The following SH3RF2 variants were observed in gnomAD, a reference collection of about 807,000 sequenced individuals.
The protein encoded by SH3RF2 is SH3 domain containing ring finger 2.
A neutral mutation model predicts 59.0 loss-of-function variants in SH3RF2; 43 were observed. The ratio of observed to expected loss-of-function variants is 0.73; its 90% CI spans 0.57 to 0.94. The LOEUF (loss-of-function observed/expected upper bound fraction) is 0.94, where lower values mean the gene tolerates loss of function less well. Ranked by LOEUF, SH3RF2 falls within the 40% of genes least tolerant of loss-of-function variation. SH3RF2 has a pLI of 0.00. For synonymous variants in SH3RF2, 391 were observed against 391.5 expected (o/e 1.00, Z 0.01); for missense variants, 930 against 940.1 (o/e 0.99, Z 0.14).
intron 3 of SH3RF2, among the ~76,000 whole-genome samples, chr5:146,001,267 T>A (rs533894055): frequency 6.6e-6 from 1 of 152,342 alleles, no homozygotes; most frequent in South Asian, 2.1e-4. Context: ...TGGAGTTATT[T>A]TCATTCTTGA....
intron 2 of SH3RF2, among the ~76,000 whole-genome samples, chr5:145,939,684 A>C (rs896419593): frequency 6.6e-6 from 1 of 152,268 alleles, no homozygotes; most frequent in East Asian, 1.9e-4. Flanking sequence ...ATCAATCAGA[A>C]TCCACAGGTC....
At chr5:146,076,905 C>A (rs540292257) in intron 9 of SH3RF2, among the ~76,000 whole-genome samples, 39 of 152,220 alleles carry the variant, frequency 2.6e-4, no homozygotes, top group African/African-American at 7.9e-4. Context: ...ACACCACCCC[C>A]ACAAAGAATG....
intron 2 of SH3RF2, among the ~76,000 whole-genome samples, chr5:145,983,875 CTTT>C (rs1759602075): frequency 6.6e-6 from 1 of 152,070 alleles, no homozygotes; most frequent in African/African-American, 2.4e-5. Flanking sequence ...ATAATGGAGC[CTTT>C]TTAAAGGATG....
downstream of SH3RF2, among the ~76,000 whole-genome samples, chr5:146,064,586 GGAGAGA>G (rs70998047): frequency 0.081 from 3,344 of 41,352 alleles, 543 homozygotes; most frequent in African/African-American, 0.35. Flanking sequence ...GAAGGAAGGG[GGAGAGA>G]GAGAGAGAGA....
At chr5:145,971,041 CT>C (rs1759059798) in intron 2 of SH3RF2, among the ~76,000 whole-genome samples, 1 of 152,178 alleles carries the variant, frequency 6.6e-6, no homozygotes, top group South Asian at 2.1e-4. Flanking sequence ...TAAGAAGTCT[CT>C]AGTCTTGAGG....
intron 1 of SH3RF2, 25 bp from the exon 2 acceptor site, chr5:145,937,798 T>TC: frequency 9.3e-7 from 1 of 1,070,136 alleles, no homozygotes. Context: ...CATTTTTTTT[T>TC]CTCTCCTCTC....
chr5:145,972,684 AT>A (rs1759134497), intron 2 of SH3RF2, among the ~76,000 whole-genome samples: 1 of 152,166 alleles, frequency 6.6e-6, no homozygotes, highest in Non-Finnish European at 1.5e-5. Context: ...CCCAGAGGTG[AT>A]TGCTCCTTTA....
chr5:146,070,852 T>C (rs10491262), intron 9 of SH3RF2, among the ~76,000 whole-genome samples: 8,083 of 152,330 alleles, frequency 0.053, 676 homozygotes, highest in African/African-American at 0.18. Context: ...AGCTGCAGCC[T>C]GATAAGGACT....
intron 9 of SH3RF2, among the ~76,000 whole-genome samples, chr5:146,071,411 G>A (rs1361834220): frequency 6.6e-6 from 1 of 152,166 alleles, no homozygotes; most frequent in African/African-American, 2.4e-5. Context: ...AGTCAGAAGG[G>A]GTGATACTGT....
At chr5:146,011,433 T>C (rs1367990171) in intron 4 of SH3RF2, among the ~76,000 whole-genome samples, 1 of 152,234 alleles carries the variant, frequency 6.6e-6, no homozygotes, top group Non-Finnish European at 1.5e-5. Context: ...ATTGGTAGCT[T>C]GATGGGGATA....
intron 2 of SH3RF2, among the ~76,000 whole-genome samples, chr5:145,987,857 ATT>A (rs1759773693): frequency 6.6e-6 from 1 of 152,140 alleles, no homozygotes; most frequent in African/African-American, 2.4e-5. Flanking sequence ...AGCACTTATT[ATT>A]TTCCAGGCAT....
At chr5:146,076,352 C>A (rs780685261) in intron 9 of SH3RF2, among the ~76,000 whole-genome samples, 2 of 152,146 alleles carry the variant, frequency 1.3e-5, no homozygotes, top group Admixed American at 6.5e-5. Context: ...ACAGGTTGAA[C>A]CTTCTCCATA....
chr5:146,051,707 C>A (rs1385697788), intron 7 of SH3RF2, among the ~76,000 whole-genome samples: 1 of 152,078 alleles, frequency 6.6e-6, no homozygotes, highest in African/African-American at 2.4e-5. Context: ...GCAGACTAAG[C>A]CTGAGATGTC....
At chr5:145,951,050 G>T (rs1227682500) in intron 2 of SH3RF2, among the ~76,000 whole-genome samples, 2 of 152,166 alleles carry the variant, frequency 1.3e-5, no homozygotes, top group Admixed American at 6.5e-5. Flanking sequence ...TATAGAGTAT[G>T]CAGAAGATAC....
At chr5:146,051,701 A>G (rs1356452421) in intron 7 of SH3RF2, among the ~76,000 whole-genome samples, 1 of 152,226 alleles carries the variant, frequency 6.6e-6, no homozygotes, top group South Asian at 2.1e-4. Context: ...TTCACAGCAG[A>G]CTAAGCCTGA....
rs765386269 is a variant in SH3RF2, at chr5:146,000,176, A to G, written c.497A>G (p.Glu166Gly). The G allele has an allele frequency of 5.6e-6, 9 of 1,613,720 alleles. No individual in the cohort carries two copies. The South Asian group carries it at 8.8e-5, about 16-fold the overall frequency. ...RQLDENWYQG[E>G]INGISGNFPA... ...CTTGATGAGAATTGGTACCAGGGGG[A>G]AATCAATGGCATCAGCGGGAACTTC... The change falls in exon 3 of 10, where the codon GAA (glutamate) becomes GGA (glycine). Residue 166 changes from glutamate (E) to glycine (G), a missense_variant. Coordinates refer to ENST00000359120, the MANE Select transcript of SH3RF2 (RefSeq NM_152550.4).
At chr5:145,939,363 G>A (rs752334719) in intron 2 of SH3RF2, among the ~76,000 whole-genome samples, 10 of 152,208 alleles carry the variant, frequency 6.6e-5, no homozygotes, top group African/African-American at 1.2e-4. Flanking sequence ...GAGGAATAAC[G>A]TGTGGGAGGG....
At chr5:146,030,935 G>C (rs1181652940) in intron 5 of SH3RF2, among the ~76,000 whole-genome samples, 1 of 152,222 alleles carries the variant, frequency 6.6e-6, no homozygotes, top group Admixed American at 6.5e-5. Context: ...AGTAGTGACA[G>C]AGACCTTGCA....
intron 7 of SH3RF2, 139 bp downstream of exon 7, chr5:146,049,384 A>G (rs988165971): frequency 1.1e-6 from 1 of 948,222 alleles, no homozygotes. Flanking sequence ...TAACCCGCCT[A>G]TCTCTTTTAA....
Sources: allele counts gnomAD v4.1 joint callset (sites outside exome capture counted in the v4.1 genomes callset), GRCh38; gene constraint gnomAD v4.1.1; transcripts MANE v1.5; gene names NCBI Gene and HGNC (gene_info 2026-07-23, HGNC 2026-07-21).